The following ZSCAN23 variants were observed in gnomAD, a reference collection of about 807,000 sequenced individuals.
ZSCAN23 encodes the protein zinc finger and SCAN domain-containing protein 23.
Under a neutral mutation model 19.3 loss-of-function variants are expected in ZSCAN23, and 19 were observed. The observed-to-expected ratio is 0.99, with a 90% confidence interval of 0.69 to 1.45. The LOEUF is 1.45. ZSCAN23 is among the 40% of genes most tolerant of loss of function. The pLI, the probability that ZSCAN23 is intolerant of heterozygous loss-of-function variation, is 0.00. For synonymous variants in ZSCAN23, 140 were observed against 166.2 expected, an observed-to-expected ratio of 0.84 and a Z score of 1.21; for missense variants, 372 against 462.5, an observed-to-expected ratio of 0.80 and a Z score of 1.79.
chr6:28,439,046 G>A (rs1761949207), intron 1 of ZSCAN23, among the ~76,000 whole-genome samples: 1 of 151,672 alleles, frequency 6.6e-6, no homozygotes, highest in Admixed American at 6.6e-5. Flanking sequence ...CCCAGGAAAT[G>A]TACAGAGGAT....
At chr6:28,437,541 C>T (rs920150658) in intron 1 of ZSCAN23, among the ~76,000 whole-genome samples, 7 of 152,114 alleles carry the variant, frequency 4.6e-5, no homozygotes, top group Non-Finnish European at 1.0e-4. Context: ...TGAGATCACA[C>T]TACTGCACTC....
chr6:28,435,426 G>A, intron 3 of ZSCAN23, 34 bp downstream of exon 3: 1 of 1,546,470 alleles, frequency 6.5e-7, no homozygotes, highest in Non-Finnish European at 8.7e-7. Flanking sequence ...TTCAGGGAAT[G>A]AGGTAGGCTG....
At position 28,434,642 on chromosome 6, in the gene ZSCAN23, C is replaced by G. The variant is rs1761834385; in HGVS notation, c.993G>C (p.Lys331Asn). 2 of 1,563,230 alleles carry G rather than the reference C, an allele frequency of 1.3e-6. No individual in the cohort carries two copies. The highest frequency in any genetic ancestry group is 1.9e-5 in the Admixed American group (1 of 51,794). ...TATTGCACTGATTGCACTGGTAAGG[C>G]TTCTCCCCAGTGTGAATTCTGAGGT... ...FHHLRIHTGE[K>N]PYQCNQCNKS... The change falls in exon 4 of 4, where the codon AAG becomes AAC. Residue 331 changes from lysine to asparagine, a missense_variant. Transcript: ENST00000289788.
At chr6:28,441,682 C>T (rs967752376) in intron 1 of ZSCAN23, among the ~76,000 whole-genome samples, 1 of 151,898 alleles carries the variant, frequency 6.6e-6, no homozygotes, top group African/African-American at 2.4e-5. Context: ...AATTCTTTCA[C>T]CAAGTTCTAT....
rs568517968 is a variant in ZSCAN23 at position 28,443,078 on chromosome 6, T to C, written c.-78+321A>G. Among the ~76,000 whole-genome samples, 143 of 152,232 alleles carry C rather than the reference T, an allele frequency of 9.4e-4. 2 individuals carry two copies. In the Middle Eastern group the frequency reaches 0.014, roughly 14 times the overall value. ...CAGTAGAGAATAAGACATCGGAAAA[T>C]ACAAACATTTCTTCATATCCGAATC... On this transcript the variant is annotated intron_variant, in intron 1 of 3. Transcript: ENST00000289788.
Position 28,435,449 on chromosome 6 carries a change from C to T in ZSCAN23, c.556+11G>A. ...ATGAGGTAGGCTGTCTGAGGAAATC[C>T]TGATCCTCACCAATCTCTTGAACTG... On this transcript the variant is annotated intron_variant, in intron 3 of 3. Transcript: ENST00000289788. The T allele has an allele frequency of 1.3e-6, 2 of 1,549,644 alleles. No homozygotes were observed. Among genetic ancestry groups the T allele is most frequent in the Non-Finnish European group, 1.7e-6 (2 of 1,146,322 alleles).
chr6:28,434,454 G>C lies in ZSCAN23; in HGVS notation c.*11C>G, dbSNP rs1195978971. 6.6e-7 allele frequency: 1 copy of C among 1,526,160 alleles called. No individual in the cohort carries two copies. The highest frequency in any genetic ancestry group is 2.0e-5 in the Admixed American group (1 of 49,810). 94.5% of individuals were successfully genotyped at this position (1,526,160 alleles called of 1,614,324 possible). A position where few individuals can be genotyped will look rare whatever the true frequency, so the allele number is the denominator to read the frequency against. ...AAGTAAGAAATATTATCCCCTACCT[G>C]TTCCAAGGAGCTAGCTTGATTCAGC... On this transcript the variant is annotated 3_prime_UTR_variant, in exon 4 of 4. Coordinates refer to ENST00000289788, the MANE Select transcript of ZSCAN23 (RefSeq NM_001012455.2).
Position 28,434,956 on chromosome 6 carries a change from C to T in ZSCAN23, c.679G>A (p.Gly227Arg). 1 of 1,551,922 alleles carries T rather than the reference C, an allele frequency of 6.4e-7. No individual in the cohort carries two copies. Among genetic ancestry groups the T allele is most frequent in the Non-Finnish European group, 8.7e-7 (1 of 1,147,066 alleles). ...NGNITQIPEY[G>R]DTCDREGRLE... ...CTGCCCTCACGGTCACAGGTATCTCCATACTCAGGAATCTGAGTAATATTA... is the reference window on the plus strand; with the variant it reads ...CTGCCCTCACGGTCACAGGTATCTCTATACTCAGGAATCTGAGTAATATTA... The change falls in exon 4 of 4, where the codon GGA (glycine) becomes AGA (arginine). Residue 227 changes from glycine to arginine, a missense_variant. Gly to Arg is a moderately radical substitution (Grantham distance 125, BLOSUM62 -2). Transcript: ENST00000289788.
At chr6:28,429,625 AG>A (rs34641722), downstream of ZSCAN23, among the ~76,000 whole-genome samples, 2 of 152,098 alleles carry the variant, frequency 1.3e-5, no homozygotes, top group Non-Finnish European at 2.9e-5. Flanking sequence ...TCATCTCAGA[AG>A]GGGGTGATCC....
In ZSCAN23 at chr6:28,436,184, T is replaced by G. The variant is rs539335719; in HGVS notation, c.83A>C (p.His28Pro). ...CAGGCCTGATTCTGGCCCACAGGAA[T>G]GTTCCTCCTCTTCCTCCTTTACCTT... ...AVKVKEEEEE[H>P]SCGPESGLSR... The change falls in exon 2 of 4, where the codon CAT becomes CCT. Residue 28 changes from histidine to proline, a missense_variant. Transcript: ENST00000289788. 1 of 1,558,010 alleles carries G rather than the reference T, an allele frequency of 6.4e-7. No homozygotes were observed. Among genetic ancestry groups the G allele is most frequent in the Non-Finnish European group, 8.7e-7 (1 of 1,150,434 alleles).
At position 28,434,354 on chromosome 6, in the gene ZSCAN23, T is replaced by C; in HGVS notation, c.*111A>G. 1 of 1,256,182 alleles carries C rather than the reference T, an allele frequency of 8.0e-7. No homozygotes were observed. The highest frequency in any genetic ancestry group is 1.1e-6 in the Non-Finnish European group (1 of 928,618). 77.8% of individuals were successfully genotyped at this position (1,256,182 alleles called of 1,614,324 possible). A position where few individuals can be genotyped will look rare whatever the true frequency, so the allele number is the denominator to read the frequency against. ...AGATGTATTTAAGATATTATGCTTC[T>C]CTCTGCATAAAAGTAAGGGAATTTT... On this transcript the variant is annotated 3_prime_UTR_variant, in exon 4 of 4. Transcript: ENST00000289788.
At position 28,434,927 on chromosome 6, in the gene ZSCAN23, C is replaced by G; in HGVS notation, c.708G>C (p.Leu236Phe). The part of the protein sequence containing the change: ...YGDTCDREGR[L>F]EKQRVSSSVE... ...CTGAAGAGCTCACCCTTTGCTTTTC[C>G]AATCTGCCCTCACGGTCACAGGTAT... is the stretch of plus-strand genomic sequence containing the variant. Residue 236 changes from leucine to phenylalanine, a missense_variant, in exon 4 of 4, where the codon TTG becomes TTC. Transcript: ENST00000289788. 1.9e-6 allele frequency: 3 copies of G among 1,552,188 alleles called. No individual in the cohort carries two copies. The highest frequency in any genetic ancestry group is 2.6e-6 in the Non-Finnish European group (3 of 1,147,218).
Position 28,434,916 on chromosome 6 carries a change from C to T in ZSCAN23, c.719G>A (p.Arg240Lys), listed in dbSNP as rs1209366747. 1 of 1,552,268 alleles carries T rather than the reference C, an allele frequency of 6.4e-7. No individual in the cohort carries two copies. The highest frequency in any genetic ancestry group is 1.4e-5 in the African/African-American group (1 of 73,044). ...GGGTCTCTCCACTGAAGAGCTCACCCTTTGCTTTTCCAATCTGCCCTCACG... is the reference window on the plus strand; with the variant it reads ...GGGTCTCTCCACTGAAGAGCTCACCTTTTGCTTTTCCAATCTGCCCTCACG... ...CDREGRLEKQ[R>K]VSSSVERPYI... is the part of the protein sequence containing the mutation. Residue 240 changes from arginine (R) to lysine (K), a missense_variant, in exon 4 of 4, where the codon AGG (arginine) becomes AAG (lysine). Coordinates refer to ENST00000289788, the MANE Select transcript of ZSCAN23 (RefSeq NM_001012455.2).
Position 28,432,834 on chromosome 6 carries a change from G to A in ZSCAN23, c.*1631C>T, listed in dbSNP as rs2114030695. ...GGTATTAGAAGAGTATAAATAATATGCCATCTTCCTGAGTAATGGAAGAAA... is the reference window on the plus strand; with the variant it reads ...GGTATTAGAAGAGTATAAATAATATACCATCTTCCTGAGTAATGGAAGAAA... On this transcript the variant is annotated 3_prime_UTR_variant, in exon 4 of 4. Transcript: ENST00000289788. 1 of 152,058 alleles carries A rather than the reference G, an allele frequency of 6.6e-6. No individual in the cohort carries two copies. Among genetic ancestry groups the A allele is most frequent in the Non-Finnish European group, 1.5e-5 (1 of 67,926 alleles). The allele number at this position is 152,058 out of a possible 1,614,324, so 9.4% of individuals were successfully genotyped here. A position where few individuals can be genotyped will look rare whatever the true frequency, so the allele number is the denominator to read the frequency against.
intron 1 of ZSCAN23, among the ~76,000 whole-genome samples, chr6:28,441,043 A>AT (rs1365026167): frequency 6.6e-6 from 1 of 152,206 alleles, no homozygotes; most frequent in Non-Finnish European, 1.5e-5. Flanking sequence ...AATTAGCATA[A>AT]TAAGTCTTAC....
At chr6:28,441,745 T>G (rs976213908) in intron 1 of ZSCAN23, among the ~76,000 whole-genome samples, 1 of 152,004 alleles carries the variant, frequency 6.6e-6, no homozygotes, top group Admixed American at 6.6e-5. Context: ...TCTATGCATT[T>G]GCAATCGTAT....
chr6:28,440,081 G>C (rs1761972791), intron 1 of ZSCAN23, among the ~76,000 whole-genome samples: 1 of 152,242 alleles, frequency 6.6e-6, no homozygotes, highest in African/African-American at 2.4e-5. Context: ...AGACCTGAAG[G>C]AAGTGAGGAG....
chr6:28,435,525 T>C lies in ZSCAN23; in HGVS notation c.491A>G (p.Gln164Arg). ...AAGTTGCTCTTCCAAGGTTTGGAAT[T>C]GGTCATTTGATGACTCCTGAGCTGC... The part of the protein sequence containing the change: ...PGAAQESSND[Q>R]FQTLEEQLGY... The change falls in exon 3 of 4, where the codon CAA (glutamine) becomes CGA (arginine). Residue 164 changes from glutamine (Q) to arginine (R), a missense_variant. By Grantham distance (43) the Gln-to-Arg change is conservative. Transcript: ENST00000289788. 6.4e-7 allele frequency: 1 copy of C among 1,551,890 alleles called. No homozygotes were observed. Among genetic ancestry groups the C allele is most frequent in the Non-Finnish European group, 8.7e-7 (1 of 1,147,044 alleles).
Position 28,434,371 on chromosome 6 carries a change from G to T in ZSCAN23, c.*94C>A. Reference sequence around the variant, plus strand: ...TATGCTTCTCTCTGCATAAAAGTAAGGGAATTTTTACTGGCTTTCCCTTGA... The same window carrying T: ...TATGCTTCTCTCTGCATAAAAGTAATGGAATTTTTACTGGCTTTCCCTTGA... On this transcript the variant is annotated 3_prime_UTR_variant, in exon 4 of 4. Coordinates refer to ENST00000289788, the MANE Select transcript of ZSCAN23 (RefSeq NM_001012455.2). The T allele has an allele frequency of 7.2e-7, 1 of 1,386,230 alleles. No homozygotes were observed. The highest frequency in any genetic ancestry group is 9.6e-7 in the Non-Finnish European group (1 of 1,043,924). 85.9% of individuals were successfully genotyped at this position (1,386,230 alleles called of 1,614,324 possible). A position where few individuals can be genotyped will look rare whatever the true frequency, so the allele number is the denominator to read the frequency against.
Sources: allele counts gnomAD v4.1 joint callset (sites outside exome capture counted in the v4.1 genomes callset), GRCh38; gene constraint gnomAD v4.1.1; transcripts MANE v1.5; gene names NCBI Gene and HGNC (gene_info 2026-07-23, HGNC 2026-07-21).